The following CDC73 variants were observed in gnomAD, a reference collection of about 807,000 sequenced individuals.
The protein encoded by CDC73 is cell division cycle 73.
CDC73 carries 21 observed loss-of-function variants against 83.7 expected under a neutral mutation model. The ratio of observed to expected loss-of-function variants is 0.25; its 90% confidence interval spans 0.18 to 0.36. The LOEUF (loss-of-function observed/expected upper bound fraction) is 0.36, where lower values mean the gene tolerates loss of function less well. CDC73 is among the 10% of genes least tolerant of loss of function. CDC73 has a pLI of 1.00. For missense variants in CDC73, 342 were observed against 653.3 expected (o/e 0.52, Z 5.19); for synonymous variants, 224 against 212.9 (o/e 1.05, Z -0.45).
intron 11 of CDC73, among the ~76,000 whole-genome samples, chr1:193,209,943 C>T (rs542179868): frequency 6.6e-6 from 1 of 152,052 alleles, no homozygotes; most frequent in Admixed American, 6.5e-5. Flanking sequence ...ATAGCAACTC[C>T]TGTTTCCTGT....
intron 10 of CDC73, among the ~76,000 whole-genome samples, chr1:193,183,223 C>T (rs1288588934): frequency 6.6e-6 from 1 of 151,508 alleles, no homozygotes; most frequent in Non-Finnish European, 1.5e-5. Context: ...GTAGCAGCCA[C>T]TAGGAGGAGC....
intron 6 of CDC73, among the ~76,000 whole-genome samples, chr1:193,138,853 C>T (rs2103124319): frequency 6.7e-6 from 1 of 148,672 alleles, no homozygotes; most frequent in East Asian, 2.0e-4. Context: ...TGGCTCACTG[C>T]AACCTCTGTC....
rs370135535 is a variant in CDC73, at chr1:193,212,506, G to A, written c.1154+29G>A. 147 of 1,266,842 alleles carry A rather than the reference G, an allele frequency of 1.2e-4. 1 individual carries two copies. Among genetic ancestry groups the A allele is most frequent in the South Asian group, 1.1e-3 (88 of 79,180 alleles). The allele number at this position is 1,266,842 out of a possible 1,614,324, so 78.5% of individuals were successfully genotyped here. On this transcript the variant is annotated intron_variant, in intron 13 of 16. Coordinates refer to ENST00000367435, the MANE Select transcript of CDC73 (RefSeq NM_024529.5). Reference sequence around the variant, plus strand: ...AGTAATTTATTAAACTATCCTGTACGTAGGATATTGAGATACCATTGGAAA... The same window carrying A: ...AGTAATTTATTAAACTATCCTGTACATAGGATATTGAGATACCATTGGAAA...
At chr1:193,229,815 A>G (rs1339790475) in intron 13 of CDC73, among the ~76,000 whole-genome samples, 1 of 152,230 alleles carries the variant, frequency 6.6e-6, no homozygotes, top group African/African-American at 2.4e-5. Flanking sequence ...AAAATAATAC[A>G]TCTGGTATAT....
chr1:193,181,707 T>G (rs1676720384), intron 10 of CDC73: 1 of 757,560 alleles, frequency 1.3e-6, no homozygotes, highest in Non-Finnish European at 2.1e-6. Context: ...CACAAAAGTT[T>G]ACAGAACTGC....
chr1:193,198,443 C>T (rs1157546651), intron 10 of CDC73, among the ~76,000 whole-genome samples: 1 of 152,178 alleles, frequency 6.6e-6, no homozygotes, highest in African/African-American at 2.4e-5. Context: ...CATGTGAAGA[C>T]ACTGTCTGTC....
chr1:193,240,388 C>T (rs148945481), intron 15 of CDC73, among the ~76,000 whole-genome samples: 1,864 of 152,296 alleles, frequency 0.012, 19 homozygotes, highest in South Asian at 0.034. Flanking sequence ...AGTAGTAGGA[C>T]TGCTGGATCA....
chr1:193,182,519 C>T (rs1361252270), intron 10 of CDC73, among the ~76,000 whole-genome samples: 11 of 152,094 alleles, frequency 7.2e-5, no homozygotes, highest in Admixed American at 1.3e-4. Flanking sequence ...GTTTAAAATT[C>T]TGAATTTCAC....
intron 8 of CDC73, among the ~76,000 whole-genome samples, chr1:193,149,051 G>T (rs928548085): frequency 6.6e-6 from 1 of 152,070 alleles, no homozygotes; most frequent in African/African-American, 2.4e-5. Context: ...TTTTAAAGAT[G>T]GTAGGCTTTT....
At chr1:193,152,618 A>G (rs1254231678) in intron 10 of CDC73, among the ~76,000 whole-genome samples, 174 bp downstream of exon 10, 3 of 151,988 alleles carry the variant, frequency 2.0e-5, no homozygotes, top group East Asian at 3.8e-4. Context: ...ATCCTGTTTC[A>G]TTTTTCTTTT....
chr1:193,168,698 A>G (rs796413963), intron 10 of CDC73, among the ~76,000 whole-genome samples: 14 of 151,988 alleles, frequency 9.2e-5, no homozygotes, highest in African/African-American at 3.4e-4. Context: ...TAATTTTTGT[A>G]TTTTTAGTAG....
intron 15 of CDC73, among the ~76,000 whole-genome samples, chr1:193,247,397 TCTC>T (rs1447574491): frequency 2.6e-5 from 4 of 151,950 alleles, no homozygotes; most frequent in Non-Finnish European, 4.4e-5. Flanking sequence ...TCTCTCTCTC[TCTC>T]TTCAGGCCTC....
chr1:193,142,146 T>C, intron 7 of CDC73, 80 bp downstream of exon 7: 3 of 1,244,242 alleles, frequency 2.4e-6, no homozygotes, highest in Admixed American at 3.6e-5. Flanking sequence ...ATAGAATTGG[T>C]TAAACTTTGC....
chr1:193,171,287 T>C (rs1296530143), intron 10 of CDC73, among the ~76,000 whole-genome samples: 1 of 152,206 alleles, frequency 6.6e-6, no homozygotes, highest in Non-Finnish European at 1.5e-5. Flanking sequence ...GTTTGGCAGC[T>C]TAAAACATTC....
intron 14 of CDC73, among the ~76,000 whole-genome samples, chr1:193,234,897 ATTTTTT>A (rs1252502394): frequency 1.3e-4 from 1 of 7,932 alleles, no homozygotes; most frequent in Non-Finnish European, 2.0e-4. Context: ...AGTCTCAGAG[ATTTTTT>A]TTAATTTTTT....
intron 10 of CDC73, among the ~76,000 whole-genome samples, chr1:193,197,627 C>A (rs2103172752): frequency 6.6e-6 from 1 of 152,128 alleles, no homozygotes; most frequent in Non-Finnish European, 1.5e-5. Flanking sequence ...ACTATGCTTT[C>A]AGTAAGTGTA....
At chr1:193,176,479 C>T (rs1341113701) in intron 10 of CDC73, among the ~76,000 whole-genome samples, 3 of 152,178 alleles carry the variant, frequency 2.0e-5, no homozygotes, top group Admixed American at 1.3e-4. Context: ...AGGACATTGT[C>T]TTACAGAGCA....
intron 1 of CDC73, among the ~76,000 whole-genome samples, chr1:193,124,716 C>T (rs1675532816): frequency 6.6e-6 from 1 of 152,134 alleles, no homozygotes; most frequent in Non-Finnish European, 1.5e-5. Context: ...TTATCAAGAG[C>T]CATAGGATAA....
intron 10 of CDC73, among the ~76,000 whole-genome samples, chr1:193,174,893 C>T (rs1676576082): frequency 6.6e-6 from 1 of 152,150 alleles, no homozygotes; most frequent in South Asian, 2.1e-4. Context: ...AAACATTTTC[C>T]TTTAAATGAA....
Sources: allele counts gnomAD v4.1 joint callset (sites outside exome capture counted in the v4.1 genomes callset), GRCh38; gene constraint gnomAD v4.1.1; transcripts MANE v1.5; gene names NCBI Gene and HGNC (gene_info 2026-07-23, HGNC 2026-07-21).